MTNR1A: variants seen among roughly 807,000 people sequenced by gnomAD.
The protein encoded by MTNR1A is melatonin receptor 1A.
MTNR1A carries 7 observed loss-of-function variants against 5.5 expected under a neutral mutation model. The ratio of observed to expected loss-of-function variants is 1.28; its 90% CI spans 0.73 to 2.40. The LOEUF is 2.40. Among genes scored for constraint, MTNR1A ranks in the 30% most tolerant of loss-of-function variants. MTNR1A has a pLI of 0.00. For synonymous variants in MTNR1A, 196 were observed against 202.7 expected, an observed-to-expected ratio of 0.97 and a Z score of 0.28; for missense variants, 441 against 464.4, an observed-to-expected ratio of 0.95 and a Z score of 0.46.
At chr4:186,548,270 A>T (rs1737196649) in intron 1 of MTNR1A, among the ~76,000 whole-genome samples, 1 of 152,206 alleles carries the variant, frequency 6.6e-6, no homozygotes, top group Admixed American at 6.5e-5. Context: ...GAGTTTTATT[A>T]AAAATGGTAT....
At chr4:186,538,776 G>A (rs1022010529) in intron 1 of MTNR1A, among the ~76,000 whole-genome samples, 1 of 152,198 alleles carries the variant, frequency 6.6e-6, no homozygotes, top group Non-Finnish European at 1.5e-5. Flanking sequence ...AGTGGACCAA[G>A]GAGAACCTTC....
intron 1 of MTNR1A, among the ~76,000 whole-genome samples, chr4:186,545,843 C>T (rs1389611178): frequency 2.0e-5 from 3 of 152,086 alleles, no homozygotes; most frequent in Non-Finnish European, 2.9e-5. Context: ...GCTGAGCTAC[C>T]GCAGGTGTGT....
At chr4:186,540,940 A>G (rs574939638) in intron 1 of MTNR1A, among the ~76,000 whole-genome samples, 32 of 152,020 alleles carry the variant, frequency 2.1e-4, no homozygotes, top group Non-Finnish European at 4.3e-4. Flanking sequence ...TCACCAAATC[A>G]CAAAGTTGCC....
Position 186,533,945 on chromosome 4 carries a change from G to A in MTNR1A, c.797C>T (p.Ala266Val), listed in dbSNP as rs28383652. ...CTCTGGGATCCTAGGCACCATGCTG[G>A]CGGGGTCAGAGGCCACGGCCAGGCC... is the stretch of plus-strand genomic sequence containing the variant. ...FIGLAVASDP[A>V]SMVPRIPEWL... Residue 266 changes from alanine to valine, a missense_variant, in exon 2 of 2, where the codon GCC (alanine) becomes GTC (valine). Physicochemically the swap from Ala to Val is moderately conservative, Grantham distance 64. Transcript: ENST00000307161. The A allele has an allele frequency of 0.019, 30,658 of 1,614,154 alleles. 429 individuals are homozygous for A. The highest frequency in any genetic ancestry group is 0.054 in the Middle Eastern group (325 of 6,060).
At chr4:186,547,925 G>A (rs1737191816) in intron 1 of MTNR1A, among the ~76,000 whole-genome samples, 1 of 152,148 alleles carries the variant, frequency 6.6e-6, no homozygotes, top group African/African-American at 2.4e-5. Flanking sequence ...TGTCTTCTGA[G>A]AAGGGTGGTT....
Position 186,533,809 on chromosome 4 carries a change from G to C in MTNR1A, c.933C>G (p.Val311=). The C allele has an allele frequency of 6.2e-7, 1 of 1,614,194 alleles. No homozygotes were observed. Among genetic ancestry groups the C allele is most frequent in the Non-Finnish European group, 8.5e-7 (1 of 1,180,042 alleles). The change falls in exon 2 of 2, where the codon GTC becomes GTG. Residue 311 remains valine (V), a synonymous_variant. Coordinates refer to ENST00000307161, the MANE Select transcript of MTNR1A (RefSeq NM_005958.4). ...NFRKEYRRII[V]SLCTARVFFV... ...AGAACACCCTGGCTGTACAGAGCGA[G>C]ACTATAATTCTCCTGTATTCCTTCC...
chr4:186,545,676 G>C (rs1413317081), intron 1 of MTNR1A, among the ~76,000 whole-genome samples: 1 of 152,128 alleles, frequency 6.6e-6, no homozygotes, highest in Non-Finnish European at 1.5e-5. Flanking sequence ...AGCAAGATTA[G>C]AGGCCCCCTG....
Position 186,534,286 on chromosome 4 carries a change from C to G in MTNR1A, c.456G>C (p.Trp152Cys). Residue 152 changes from tryptophan to cysteine, a missense_variant, in exon 2 of 2, where the codon TGG becomes TGC. Coordinates refer to ENST00000307161, the MANE Select transcript of MTNR1A (RefSeq NM_005958.4). The part of the protein sequence containing the change: ...KNSLCYVLLI[W>C]LLTLAAVLPN... ...GCAGGACGGCCGCCAGCGTCAGGAG[C>G]CATATGAGGAGCACGTAGCAGAGGG... The G allele has an allele frequency of 6.2e-7, 1 of 1,614,148 alleles. No individual in the cohort carries two copies. Among genetic ancestry groups the G allele is most frequent in the East Asian group, 2.2e-5 (1 of 44,868 alleles).
Position 186,555,273 on chromosome 4 carries a change from GGCCAGGGCGGAC to G in MTNR1A, c.81_92del (p.Ser28_Ala31del). 6.4e-7 allele frequency: 1 copy of G among 1,553,934 alleles called. No homozygotes were observed. The highest frequency in any genetic ancestry group is 8.7e-7 in the Non-Finnish European group (1 of 1,150,064). On this transcript the variant is annotated inframe_deletion, in exon 1 of 2. Coordinates refer to ENST00000307161, the MANE Select transcript of MTNR1A (RefSeq NM_005958.4). The surrounding 1 kb of genome is among the most constrained non-coding windows in gnomAD (Gnocchi z 4.1). The stretch of plus-strand genomic sequence containing the variant: ...CCACGATGGTGAAGATGAGGACGCA[GGCCAGGGCGGAC>G]GCCAGCCACGAGGGCCGCGCGCCGT...
At chr4:186,548,810 G>GATATATATAT (rs71595106) in intron 1 of MTNR1A, among the ~76,000 whole-genome samples, 1,197 of 54,316 alleles carry the variant, frequency 0.022, 62 homozygotes, top group Non-Finnish European at 0.026. Flanking sequence ...AATCTATAAA[G>GATATATATAT]ATATATATAT....
At chr4:186,548,464 C>A (rs1211066606) in intron 1 of MTNR1A, among the ~76,000 whole-genome samples, 1 of 151,840 alleles carries the variant, frequency 6.6e-6, no homozygotes, top group East Asian at 1.9e-4. Flanking sequence ...TGCATTCTGC[C>A]TTAAAAATAA....
At chr4:186,553,634 TC>T (rs1737307533) in intron 1 of MTNR1A, among the ~76,000 whole-genome samples, 1 of 152,176 alleles carries the variant, frequency 6.6e-6, no homozygotes, top group African/African-American at 2.4e-5. Flanking sequence ...GCCTCAGGCT[TC>T]CAAGTAGTTG....
intron 1 of MTNR1A, among the ~76,000 whole-genome samples, chr4:186,545,372 G>A (rs1737118864): frequency 1.3e-5 from 2 of 152,160 alleles, no homozygotes; most frequent in South Asian, 4.1e-4. Context: ...CCAATATTGA[G>A]GCAACATGAA....
At chr4:186,544,234 T>C (rs1192036407) in intron 1 of MTNR1A, among the ~76,000 whole-genome samples, 1 of 152,200 alleles carries the variant, frequency 6.6e-6, no homozygotes, top group African/African-American at 2.4e-5. Flanking sequence ...TTGGCCAGGA[T>C]AGTCTCGATC....
chr4:186,538,188 AC>A (rs1246854437), intron 1 of MTNR1A, among the ~76,000 whole-genome samples: 1 of 152,060 alleles, frequency 6.6e-6, no homozygotes, highest in African/African-American at 2.4e-5. Flanking sequence ...CCCAGCTATC[AC>A]CTCGGTGAGG....
rs13147202 is a variant in MTNR1A, at chr4:186,547,421, A to G, written c.184+7761T>C. ...GACACACTGTCCTCACACCCTGTTCATGGGACACACTGTCCTCCTCACACC... is the reference window on the plus strand; with the variant it reads ...GACACACTGTCCTCACACCCTGTTCGTGGGACACACTGTCCTCCTCACACC... On this transcript the variant is annotated intron_variant, in intron 1 of 1. Transcript: ENST00000307161. 4.8e-3 allele frequency among the ~76,000 whole-genome samples: 673 copies of G among 139,230 alleles called. 2 individuals are homozygous for G. Among genetic ancestry groups the G allele is most frequent in the South Asian group, 7.4e-3 (31 of 4,166 alleles). The allele number at this position is 139,230 out of a possible 152,430, so 91.3% of individuals were successfully genotyped here.
At chr4:186,540,665 C>T (rs1736994896) in intron 1 of MTNR1A, among the ~76,000 whole-genome samples, 1 of 150,646 alleles carries the variant, frequency 6.6e-6, no homozygotes, top group African/African-American at 2.5e-5. Flanking sequence ...TCTGAAGGAC[C>T]AGGTGCTGTC....
chr4:186,545,199 T>C (rs540953672), intron 1 of MTNR1A, among the ~76,000 whole-genome samples: 90 of 152,082 alleles, frequency 5.9e-4, no homozygotes, highest in Non-Finnish European at 7.1e-4. Context: ...TGAGGTTGGG[T>C]GGTTTCCTAA....
In MTNR1A at chr4:186,534,417, G is replaced by A; in HGVS notation, c.325C>T (p.Leu109=). The A allele has an allele frequency of 6.2e-7, 1 of 1,614,154 alleles. No individual in the cohort carries two copies. Among genetic ancestry groups the A allele is most frequent in the Non-Finnish European group, 8.5e-7 (1 of 1,180,038 alleles). The change falls in exon 2 of 2, where the codon CTG becomes TTG. Residue 109 remains leucine (L), a synonymous_variant. Coordinates refer to ENST00000307161, the MANE Select transcript of MTNR1A (RefSeq NM_005958.4). ...TTGAATATGGAGCCGATGACGCTCA[G>A]GCCCATCAGGAACCCACTGACTTGG... ...HCQVSGFLMG[L]SVIGSIFNIT...
Sources: gnomAD v4.1 joint callset for allele counts (sites outside exome capture counted in the v4.1 genomes callset) on GRCh38, gnomAD v4.1.1 for gene constraint, Gnocchi (gnomAD v3.1) non-coding constraint, MANE v1.5 for transcripts, NCBI Gene and HGNC (gene_info 2026-07-23, HGNC 2026-07-21) for gene names.